Variants in ITGAV observed in about 807,000 individuals in gnomAD.
ITGAV encodes the protein integrin alpha-V.
A neutral mutation model predicts 143.8 loss-of-function variants in ITGAV; 76 were observed. The ratio of observed to expected loss-of-function variants is 0.53; its 90% CI spans 0.44 to 0.64. The LOEUF (loss-of-function observed/expected upper bound fraction) is 0.64, where lower values mean the gene tolerates loss of function less well. ITGAV is among the 30% of genes least tolerant of loss of function. ITGAV has a pLI of 0.00. For synonymous variants in ITGAV, 453 were observed against 446.7 expected (o/e 1.01, Z -0.18); for missense variants, 1,193 against 1,274.7 (o/e 0.94, Z 0.98).
At chr2:186,629,247 A>ACT (rs957760930) in intron 4 of ITGAV, among the ~76,000 whole-genome samples, 3 of 152,036 alleles carry the variant, frequency 2.0e-5, no homozygotes, top group African/African-American at 7.2e-5. Context: ...TGGCAAAAGC[A>ACT]CTCAGTTTAA....
chr2:186,631,043 T>A (rs1053807608), intron 5 of ITGAV, among the ~76,000 whole-genome samples, 185 bp downstream of exon 5: 1 of 152,154 alleles, frequency 6.6e-6, no homozygotes, highest in Non-Finnish European at 1.5e-5. Flanking sequence ...TAGTAAACAT[T>A]GCTTATTTGA....
At chr2:186,620,335 A>G (rs951394697) in intron 2 of ITGAV, among the ~76,000 whole-genome samples, 1 of 152,238 alleles carries the variant, frequency 6.6e-6, no homozygotes, top group African/African-American at 2.4e-5. Flanking sequence ...ATTTTCAGTT[A>G]GGATTTGAAT....
intron 10 of ITGAV, among the ~76,000 whole-genome samples, chr2:186,640,656 A>G (rs1688076461): frequency 6.6e-6 from 1 of 152,164 alleles, no homozygotes; most frequent in African/African-American, 2.4e-5. Flanking sequence ...AATGTCATAT[A>G]TCAACAACAC....
intron 8 of ITGAV, among the ~76,000 whole-genome samples, chr2:186,637,790 T>A (rs1444932148): frequency 6.6e-6 from 1 of 152,208 alleles, no homozygotes; most frequent in African/African-American, 2.4e-5. Context: ...GCATCCTTTG[T>A]TACCTTCTGG....
At chr2:186,662,574 G>A (rs1316766993) in intron 18 of ITGAV, among the ~76,000 whole-genome samples, 1 of 152,122 alleles carries the variant, frequency 6.6e-6, no homozygotes, top group Non-Finnish European at 1.5e-5. Flanking sequence ...TTGAGTATTT[G>A]AATCTACATT....
At chr2:186,632,459 C>T (rs574231914) in intron 5 of ITGAV, among the ~76,000 whole-genome samples, 2 of 152,006 alleles carry the variant, frequency 1.3e-5, no homozygotes, top group Non-Finnish European at 2.9e-5. Context: ...CTATTGAAAG[C>T]TTGGAAGGGC....
At chr2:186,665,576 G>T (rs1220480621) in intron 21 of ITGAV, among the ~76,000 whole-genome samples, 1 of 152,148 alleles carries the variant, frequency 6.6e-6, no homozygotes, top group Non-Finnish European at 1.5e-5. Context: ...TCAATCCTAG[G>T]TGAGCTAGAT....
intron 2 of ITGAV, among the ~76,000 whole-genome samples, chr2:186,616,273 A>ATTTTTT (rs35938539): frequency 5.0e-5 from 4 of 79,688 alleles, no homozygotes; most frequent in African/African-American, 9.2e-5. Context: ...GATATACCTT[A>ATTTTTT]TTTTTTTTTT....
At chr2:186,666,594 A>C (rs1688903847) in intron 21 of ITGAV, 110 bp from the exon 22 acceptor site, 1 of 521,532 alleles carries the variant, frequency 1.9e-6, no homozygotes, top group Non-Finnish European at 3.3e-6. Context: ...GTTTTATTGT[A>C]AGCTCAGAAA....
intron 1 of ITGAV, among the ~76,000 whole-genome samples, chr2:186,595,371 A>G (rs985905767): frequency 2.0e-5 from 3 of 152,206 alleles, no homozygotes; most frequent in Admixed American, 6.5e-5. Flanking sequence ...CCGTGAATCA[A>G]CTGCCCTTCA....
rs1020886961 is a variant in ITGAV, at chr2:186,652,489, G to A, written c.1505+400G>A. Reference sequence around the variant, plus strand: ...TTTACAGGCATGAGCCATTGCACCTGGCCTTATACTCTATTTTCATGTTAT... The same window carrying A: ...TTTACAGGCATGAGCCATTGCACCTAGCCTTATACTCTATTTTCATGTTAT... On this transcript the variant is annotated intron_variant, in intron 15 of 29. Transcript: ENST00000261023. 4.6e-5 allele frequency among the ~76,000 whole-genome samples: 7 copies of A among 151,908 alleles called. 1 individual carries two copies. The highest frequency in any genetic ancestry group is 4.6e-4 in the Admixed American group (7 of 15,244).
intron 14 of ITGAV, 26 bp from the exon 15 acceptor site, chr2:186,651,956 T>A: frequency 7.3e-7 from 1 of 1,374,260 alleles, no homozygotes; most frequent in Non-Finnish European, 1.0e-6. Flanking sequence ...ATTTTTTACT[T>A]CATCTTCTTT....
intron 2 of ITGAV, among the ~76,000 whole-genome samples, chr2:186,618,755 A>G (rs575225922): frequency 8.5e-5 from 13 of 152,270 alleles, no homozygotes; most frequent in Admixed American, 2.0e-4. Context: ...CAACTCAAAA[A>G]TCCCATCAAG....
chr2:186,634,095 C>T (rs993949095), intron 6 of ITGAV, among the ~76,000 whole-genome samples: 1 of 152,050 alleles, frequency 6.6e-6, no homozygotes. Context: ...ATTAAACTGG[C>T]ATTGATATAA....
intron 12 of ITGAV, among the ~76,000 whole-genome samples, chr2:186,642,526 CT>C (rs916639754): frequency 1.1e-4 from 14 of 127,482 alleles, no homozygotes; most frequent in Non-Finnish European, 1.6e-4. Context: ...TTGTTTCTTT[CT>C]TTTTTTTCTT....
At position 186,590,313 on chromosome 2, in the gene ITGAV, C is replaced by T; in HGVS notation, c.-26C>T. 1 of 1,544,024 alleles carries T rather than the reference C, an allele frequency of 6.5e-7. No individual in the cohort carries two copies. Among genetic ancestry groups the T allele is most frequent in the Non-Finnish European group, 8.7e-7 (1 of 1,148,978 alleles). On this transcript the variant is annotated 5_prime_UTR_variant, in exon 1 of 30. Transcript: ENST00000261023. ...GGGGGGAGGTGGCTACCGCTCCCGG[C>T]TTGGCGTCCCGCGCGCACTTCGGCG... is the stretch of plus-strand genomic sequence containing the variant.
chr2:186,649,924 GA>G, intron 14 of ITGAV, 39 bp downstream of exon 14: 1 of 1,310,344 alleles, frequency 7.6e-7, no homozygotes, highest in Admixed American at 2.4e-5. Context: ...GGAATATTCT[GA>G]ATTATTTGAA....
chr2:186,671,230 A>G (rs1689052687), intron 26 of ITGAV, among the ~76,000 whole-genome samples: 1 of 152,090 alleles, frequency 6.6e-6, no homozygotes, highest in South Asian at 2.1e-4. Flanking sequence ...GTGTCACTCC[A>G]GTGCCTTCCC....
At chr2:186,591,686 T>C (rs140659505) in intron 1 of ITGAV, among the ~76,000 whole-genome samples, 1 of 152,314 alleles carries the variant, frequency 6.6e-6, no homozygotes, top group Non-Finnish European at 1.5e-5. Flanking sequence ...GAATTTAGTC[T>C]TAGTGTTTTT....
Sources: gnomAD v4.1 joint callset for allele counts (sites outside exome capture counted in the v4.1 genomes callset) on GRCh38, gnomAD v4.1.1 for gene constraint, MANE v1.5 for transcripts, NCBI Gene and HGNC (gene_info 2026-07-23, HGNC 2026-07-21) for gene names.